Variants in PLXNA2 observed in about 807,000 individuals in gnomAD.
PLXNA2 encodes the protein plexin A2.
A neutral mutation model predicts 193.5 loss-of-function variants in PLXNA2; 91 were observed. That is an observed-to-expected ratio of 0.47 (90% CI 0.40 to 0.56). The LOEUF (loss-of-function observed/expected upper bound fraction) is 0.56, where lower values mean the gene tolerates loss of function less well. Among genes scored for constraint, PLXNA2 ranks in the 20% least tolerant of loss-of-function variants. The probability of loss-of-function intolerance (pLI) is 0.00; values close to 1 mark genes in which losing one functional copy is unlikely to be tolerated. For synonymous variants in PLXNA2, 997 were observed against 1,027.3 expected (o/e 0.97, Z 0.56); for missense variants, 1,995 against 2,503.2 (o/e 0.80, Z 4.33).
At chr1:208,149,059 C>T (rs533023198) in intron 3 of PLXNA2, among the ~76,000 whole-genome samples, 18 of 152,332 alleles carry the variant, frequency 1.2e-4, no homozygotes, top group African/African-American at 3.6e-4. Context: ...CTCAAATTCA[C>T]TTCAGAAGAG....
At chr1:208,128,668 G>A (rs900332573) in intron 4 of PLXNA2, among the ~76,000 whole-genome samples, 2 of 147,640 alleles carry the variant, frequency 1.4e-5, no homozygotes, top group Non-Finnish European at 3.0e-5. Flanking sequence ...TTCTTCCTAA[G>A]CTCCAACAAG....
intron 29 of PLXNA2, chr1:208,030,267 CT>C (rs1664458347): frequency 1.0e-6 from 1 of 985,482 alleles, no homozygotes; most frequent in Non-Finnish European, 1.2e-6. Flanking sequence ...CTATTGAGGT[CT>C]GGTTAAGGAA....
At chr1:208,084,356 A>T (rs1481334670) in intron 10 of PLXNA2, 24 bp downstream of exon 10, 1 of 1,612,266 alleles carries the variant, frequency 6.2e-7, no homozygotes, top group South Asian at 1.1e-5. Flanking sequence ...TGCTCCAGGC[A>T]GGGCCCAGCC....
chr1:208,217,976 C>A lies in PLXNA2; in HGVS notation c.-54G>T. 6.3e-7 allele frequency: 1 copy of A among 1,585,912 alleles called. No homozygotes were observed. The highest frequency in any genetic ancestry group is 1.1e-5 in the South Asian group (1 of 89,684). Reference sequence around the variant, plus strand: ...CTCCTGTGTGTGCTCATCTGCTCCACCTTCCCCGGTTGGCCCTCACATGAT... The same window carrying A: ...CTCCTGTGTGTGCTCATCTGCTCCAACTTCCCCGGTTGGCCCTCACATGAT... On this transcript the variant is annotated 5_prime_UTR_variant, in exon 2 of 32. Coordinates refer to ENST00000367033, the MANE Select transcript of PLXNA2 (RefSeq NM_025179.4). The surrounding 1 kb of genome is among the most constrained non-coding windows in gnomAD (Gnocchi z 4.7).
chr1:208,135,287 G>A (rs986847472), intron 4 of PLXNA2, among the ~76,000 whole-genome samples: 13 of 152,112 alleles, frequency 8.5e-5, no homozygotes, highest in East Asian at 3.9e-4. Flanking sequence ...TTTAAATTAC[G>A]TTAAACAGAT....
At chr1:208,152,148 G>A (rs599064) in intron 3 of PLXNA2, among the ~76,000 whole-genome samples, 128,722 of 152,206 alleles carry the variant, frequency 0.85, 54,779 homozygotes, top group Non-Finnish European at 0.9. Flanking sequence ...TTAACACTGA[G>A]GATGGCATTT....
intron 3 of PLXNA2, among the ~76,000 whole-genome samples, chr1:208,175,786 A>G (rs1365945923): frequency 6.6e-6 from 1 of 152,204 alleles, no homozygotes; most frequent in African/African-American, 2.4e-5. Flanking sequence ...CAGGCTGGAG[A>G]ATGGCAGTCT....
At chr1:208,088,296 C>T (rs1488877595) in intron 9 of PLXNA2, among the ~76,000 whole-genome samples, 3 of 152,208 alleles carry the variant, frequency 2.0e-5, no homozygotes, top group Non-Finnish European at 2.9e-5. Flanking sequence ...TTCAGCTGTG[C>T]TCTGCCAGCG....
intron 1 of PLXNA2, among the ~76,000 whole-genome samples, chr1:208,220,203 C>A (rs881758): frequency 0.18 from 27,783 of 151,960 alleles, 2,933 homozygotes; most frequent in Non-Finnish European, 0.24. Context: ...TGCTTGGTAT[C>A]CTCCCAAGAC....
intron 3 of PLXNA2, among the ~76,000 whole-genome samples, chr1:208,162,165 A>G (rs1669126730): frequency 6.6e-6 from 1 of 152,244 alleles, no homozygotes; most frequent in African/African-American, 2.4e-5. Flanking sequence ...AACCTGCCTC[A>G]TTAGGAAAGG....
At chr1:208,224,657 C>A (rs577413004) in intron 1 of PLXNA2, among the ~76,000 whole-genome samples, 1 of 152,020 alleles carries the variant, frequency 6.6e-6, no homozygotes, top group South Asian at 2.1e-4. Flanking sequence ...AGACTCTGTG[C>A]GGTTATGTGA....
chr1:208,184,404 C>T (rs1259732016), intron 3 of PLXNA2, among the ~76,000 whole-genome samples: 1 of 151,494 alleles, frequency 6.6e-6, no homozygotes, highest in East Asian at 1.9e-4. Flanking sequence ...ATTCTGCCTC[C>T]CTTCTCCACC....
chr1:208,074,290 G>A (rs567960236), intron 12 of PLXNA2, among the ~76,000 whole-genome samples: 11 of 152,242 alleles, frequency 7.2e-5, no homozygotes, highest in East Asian at 1.9e-4. Context: ...GAAACGTGGC[G>A]GGCCAGCCAT....
chr1:208,048,630 A>G (rs11118977), intron 17 of PLXNA2, among the ~76,000 whole-genome samples: 37,957 of 151,992 alleles, frequency 0.25, 5,034 homozygotes, highest in East Asian at 0.44. Flanking sequence ...CTGGTGAGGG[A>G]GCAGGGGGCT....
chr1:208,053,236 T>C (rs1665321192), intron 14 of PLXNA2, among the ~76,000 whole-genome samples: 1 of 152,242 alleles, frequency 6.6e-6, no homozygotes, highest in African/African-American at 2.4e-5. Flanking sequence ...CAGCCATTCA[T>C]CCGCTGTGTG....
In PLXNA2 at chr1:208,236,024, G is replaced by A. The variant is rs1420503855; in HGVS notation, c.-81+7619C>T. 1.3e-5 allele frequency among the ~76,000 whole-genome samples: 2 copies of A among 152,150 alleles called. No homozygotes were observed. Among genetic ancestry groups the A allele is most frequent in the African/African-American group, 2.4e-5 (1 of 41,410 alleles). On this transcript the variant is annotated intron_variant, in intron 1 of 31. Transcript: ENST00000367033. This position sits in a 1 kb window ranked among gnomAD's most constrained non-coding sequence, Gnocchi z 4.4. ...TTTAAGCAGCTGGAGTCAGGGTGGGGCATCAGTGTTGTCAGGGCACTGTGA... is the reference window on the plus strand; with the variant it reads ...TTTAAGCAGCTGGAGTCAGGGTGGGACATCAGTGTTGTCAGGGCACTGTGA...
chr1:208,096,796 A>C lies in PLXNA2; in HGVS notation c.1819T>G (p.Ser607Ala). 1 of 1,614,060 alleles carries C rather than the reference A, an allele frequency of 6.2e-7. No homozygotes were observed. The highest frequency in any genetic ancestry group is 1.1e-5 in the South Asian group (1 of 91,062). ...GAGATGCAGATGACCTGGCTCCCGG[A>C]CACCTGCCCCTCCACCTCTGTCAGG... ...GNLTEVEGQV[S>A]GSQVICISPG... Residue 607 changes from serine to alanine, a missense_variant, in exon 7 of 32, where the codon TCC becomes GCC. Ser to Ala is a moderately conservative substitution (Grantham distance 99, BLOSUM62 1). Coordinates refer to ENST00000367033, the MANE Select transcript of PLXNA2 (RefSeq NM_025179.4).
intron 3 of PLXNA2, among the ~76,000 whole-genome samples, chr1:208,177,704 T>C (rs1669702069): frequency 6.6e-6 from 1 of 152,254 alleles, no homozygotes; most frequent in Non-Finnish European, 1.5e-5. Flanking sequence ...ACCAATGGGC[T>C]GTAGAACTAG....
intron 3 of PLXNA2, among the ~76,000 whole-genome samples, chr1:208,171,028 G>C (rs1314741892): frequency 6.6e-6 from 1 of 152,154 alleles, no homozygotes; most frequent in Non-Finnish European, 1.5e-5. Flanking sequence ...TTCCTGGAGG[G>C]GGTATTATTC....
Sources: gnomAD v4.1 joint callset for allele counts (sites outside exome capture counted in the v4.1 genomes callset) on GRCh38, gnomAD v4.1.1 for gene constraint, Gnocchi (gnomAD v3.1) non-coding constraint, MANE v1.5 for transcripts, NCBI Gene and HGNC (gene_info 2026-07-23, HGNC 2026-07-21) for gene names.